The following METTL23 variants were observed in gnomAD, a reference collection of about 807,000 sequenced individuals.
METTL23 encodes histone-arginine methyltransferase METTL23.
METTL23 carries 24 observed loss-of-function variants against 21.2 expected under a neutral mutation model. That is an observed-to-expected ratio of 1.13 (90% CI 0.82 to 1.59). The LOEUF is 1.59. Among genes scored for constraint, METTL23 ranks in the 40% most tolerant of loss-of-function variants. The pLI is 0.00. For synonymous variants in METTL23, 97 were observed against 75.2 expected (o/e 1.29, Z -1.50); for missense variants, 276 against 221.4 (o/e 1.25, Z -1.57).
chr17:76,731,021 T>C (rs2077183030), intron 2 of METTL23, among the ~76,000 whole-genome samples: 1 of 151,184 alleles, frequency 6.6e-6, no homozygotes, highest in African/African-American at 2.4e-5. Flanking sequence ...AGGAGAATGG[T>C]GGGTGAACCC....
At position 76,733,699 on chromosome 17, in the gene METTL23, A is replaced by G; in HGVS notation, c.*13A>G. The G allele has an allele frequency of 6.2e-7, 1 of 1,609,000 alleles. No homozygotes were observed. The highest frequency in any genetic ancestry group is 8.5e-7 in the Non-Finnish European group (1 of 1,177,494). On this transcript the variant is annotated 3_prime_UTR_variant, in exon 5 of 5. Coordinates refer to ENST00000341249, the MANE Select transcript of METTL23 (RefSeq NM_001080510.5). The stretch of plus-strand genomic sequence containing the variant: ...GGACAGTCTCTGAATTATACCTACA[A>G]CCTGTTCTGGGACAGTATCAATACT...
upstream of METTL23, chr17:76,726,584 C>T (rs990480288): frequency 2.1e-6 from 3 of 1,401,828 alleles, no homozygotes; most frequent in East Asian, 2.5e-5. Flanking sequence ...CCCAAACGCC[C>T]TTCGCTCAGT....
In METTL23 at chr17:76,733,681, C is replaced by T; in HGVS notation, c.568C>T (p.Leu190Phe). Reference sequence around the variant, plus strand: ...GGTCATTTCCTTTGCAAAGGACAGTCTCTGAATTATACCTACAACCTGTTC... The same window carrying T: ...GGTCATTTCCTTTGCAAAGGACAGTTTCTGAATTATACCTACAACCTGTTC... The part of the protein sequence containing the change: ...MLVISFAKDS[L>F] Residue 190 changes from leucine to phenylalanine, a missense_variant, in exon 5 of 5, where the codon CTC becomes TTC. Leu to Phe is a conservative substitution (Grantham distance 22). Coordinates refer to ENST00000341249, the MANE Select transcript of METTL23 (RefSeq NM_001080510.5). 6.2e-7 allele frequency: 1 copy of T among 1,612,388 alleles called. No homozygotes were observed. Among genetic ancestry groups the T allele is most frequent in the Non-Finnish European group, 8.5e-7 (1 of 1,179,232 alleles).
intron 1 of METTL23, 21 bp from the exon 2 acceptor site, chr17:76,729,669 A>C (rs1248770440): frequency 3.4e-6 from 5 of 1,474,806 alleles, no homozygotes; most frequent in Non-Finnish European, 4.6e-6. Flanking sequence ...TATTTATGGC[A>C]CACAAAAACA....
chr17:76,726,722 C>T, upstream of METTL23: 1 of 534,562 alleles, frequency 1.9e-6, no homozygotes, highest in Non-Finnish European at 3.4e-6. Flanking sequence ...GCTTTGGCTC[C>T]CCTGGGGTAC....
chr17:76,727,260 G>C (rs985455625), intron 1 of METTL23, 82 bp downstream of exon 1: 2 of 348,516 alleles, frequency 5.7e-6, no homozygotes, highest in Non-Finnish European at 1.1e-5. Context: ...TGAGGGACCG[G>C]GGGTGCGGAC....
In METTL23 at chr17:76,727,172, C is replaced by T. The variant is rs747799633; in HGVS notation, c.-28C>T. ...ACGGGGCTGTCCTGGAGGTCCACGT[C>T]CCGCAGGTGCGTGCAGCAGCACCCG... On this transcript the variant is annotated 5_prime_UTR_variant, in exon 1 of 5. Coordinates refer to ENST00000341249, the MANE Select transcript of METTL23 (RefSeq NM_001080510.5). The T allele has an allele frequency of 4.8e-6, 2 of 420,090 alleles. No homozygotes were observed. Among genetic ancestry groups the T allele is most frequent in the Non-Finnish European group, 9.6e-6 (2 of 207,896 alleles). 26.0% of individuals were successfully genotyped at this position (420,090 alleles called of 1,614,324 possible).
Position 76,733,856 on chromosome 17 carries a change from A to G in METTL23, c.*170A>G, listed in dbSNP as rs1389847185. 1.2e-5 allele frequency: 6 copies of G among 495,532 alleles called. No homozygotes were observed. Among genetic ancestry groups the G allele is most frequent in the Non-Finnish European group, 2.1e-5 (6 of 287,012 alleles). 30.7% of individuals were successfully genotyped at this position (495,532 alleles called of 1,614,324 possible). ...ACAACACTTAAACTCATATGAAACA[A>G]AAATTAAAATACGTATTACAAGTAC... On this transcript the variant is annotated 3_prime_UTR_variant, in exon 5 of 5. Coordinates refer to ENST00000341249, the MANE Select transcript of METTL23 (RefSeq NM_001080510.5).
At chr17:76,726,581 G>C (rs1439073224), upstream of METTL23, 16 of 1,419,452 alleles carry the variant, frequency 1.1e-5, no homozygotes, top group African/African-American at 1.5e-5. Flanking sequence ...GTACCCAAAC[G>C]CCCTTCGCTC....
chr17:76,726,692 C>A (rs1892472715), upstream of METTL23: 3 of 607,734 alleles, frequency 4.9e-6, no homozygotes, highest in South Asian at 6.2e-5. Context: ...CGCCCCGACG[C>A]CTCTCGCGGT....
intron 2 of METTL23, among the ~76,000 whole-genome samples, chr17:76,732,374 G>A (rs751080247): frequency 2.0e-5 from 3 of 152,006 alleles, no homozygotes; most frequent in South Asian, 2.1e-4. Flanking sequence ...GGTGGTGCAC[G>A]CCTGTAATCC....
upstream of METTL23, chr17:76,726,654 G>GGGA: frequency 1.1e-6 from 1 of 875,764 alleles, no homozygotes; most frequent in Non-Finnish European, 1.7e-6. Context: ...CCCGAGCCTC[G>GGGA]GGTTGGGCAA....
upstream of METTL23, chr17:76,726,326 AC>A (rs751780358): frequency 2.6e-6 from 4 of 1,550,360 alleles, no homozygotes; most frequent in South Asian, 3.5e-5. Flanking sequence ...CGGCCTGGCC[AC>A]CCCCGCCCGA....
chr17:76,730,703 C>G (rs1164460251), intron 2 of METTL23, among the ~76,000 whole-genome samples: 1 of 152,256 alleles, frequency 6.6e-6, no homozygotes, highest in African/African-American at 2.4e-5. Flanking sequence ...CGCTGTGGCC[C>G]ATGCCTGTAA....
At chr17:76,733,484 A>C in intron 4 of METTL23, 37 bp from the exon 5 acceptor site, 1 of 1,601,366 alleles carries the variant, frequency 6.2e-7, no homozygotes, top group African/African-American at 1.3e-5. Flanking sequence ...AAAACAGAAA[A>C]GGCATGACTT....
At chr17:76,731,700 A>C (rs1449571817) in intron 2 of METTL23, among the ~76,000 whole-genome samples, 1 of 152,210 alleles carries the variant, frequency 6.6e-6, no homozygotes, top group Non-Finnish European at 1.5e-5. Context: ...AGACTTTCAC[A>C]CCATACTTAA....
In METTL23 at chr17:76,726,976, CG is replaced by C. The variant is rs1352273588; in HGVS notation, c.-222del. The C allele has an allele frequency of 2.2e-6, 1 of 456,496 alleles. No individual in the cohort carries two copies. Among genetic ancestry groups the C allele is most frequent in the Admixed American group, 2.3e-5 (1 of 42,554 alleles). The allele number at this position is 456,496 out of a possible 1,614,324, so 28.3% of individuals were successfully genotyped here. A position where few individuals can be genotyped will look rare whatever the true frequency, so the allele number is the denominator to read the frequency against. On this transcript the variant is annotated 5_prime_UTR_variant, in exon 1 of 5. Coordinates refer to ENST00000341249, the MANE Select transcript of METTL23 (RefSeq NM_001080510.5). The stretch of plus-strand genomic sequence containing the variant: ...TTCCCCTTCTTGCCGTCAGGTGCTA[CG>C]GCCACGTGGCCCGCGGCTTCCCGCT...
At chr17:76,726,052 G>A (rs757805816), upstream of METTL23, among the ~76,000 whole-genome samples, 1 of 152,202 alleles carries the variant, frequency 6.6e-6, no homozygotes, top group Non-Finnish European at 1.5e-5. Context: ...TTGACAGCCA[G>A]GTCCCCTAGG....
In METTL23 at chr17:76,733,153, A is replaced by G. The variant is rs1376538685; in HGVS notation, c.260A>G (p.Asp87Gly). The G allele has an allele frequency of 1.2e-6, 2 of 1,613,818 alleles. No individual in the cohort carries two copies. The highest frequency in any genetic ancestry group is 1.7e-5 in the Admixed American group (1 of 59,994). The change falls in exon 3 of 5, where the codon GAT (aspartate) becomes GGT (glycine). Residue 87 changes from aspartate to glycine, a missense_variant. Coordinates refer to ENST00000341249, the MANE Select transcript of METTL23 (RefSeq NM_001080510.5). Reference sequence around the variant, plus strand: ...CTAACATGGGGTCATATATCTTGGGATCTTCTGGCTCTACCACCACAAGAT... The same window carrying G: ...CTAACATGGGGTCATATATCTTGGGGTCTTCTGGCTCTACCACCACAAGAT... ...VGLTWGHISW[D>G]LLALPPQDII...
Sources: gnomAD v4.1 joint callset for allele counts (sites outside exome capture counted in the v4.1 genomes callset) on GRCh38, gnomAD v4.1.1 for gene constraint, MANE v1.5 for transcripts, NCBI Gene and HGNC (gene_info 2026-07-23, HGNC 2026-07-21) for gene names.